The following CADM1 variants were observed in gnomAD, a reference collection of about 807,000 sequenced individuals.
CADM1 encodes the protein TSLC-1.
A neutral mutation model predicts 53.1 loss-of-function variants in CADM1; 15 were observed. The ratio of observed to expected loss-of-function variants is 0.28; its 90% confidence interval spans 0.19 to 0.44. The LOEUF (loss-of-function observed/expected upper bound fraction) is 0.44. Among genes scored for constraint, CADM1 ranks in the 20% least tolerant of loss-of-function variants. The pLI is 1.00. For missense variants in CADM1, 434 were observed against 611.3 expected (o/e 0.71, Z 3.06); for synonymous variants, 281 against 243.0 (o/e 1.16, Z -1.45).
At chr11:115,272,839 T>C (rs1943338281) in intron 1 of CADM1, among the ~76,000 whole-genome samples, 1 of 151,636 alleles carries the variant, frequency 6.6e-6, no homozygotes, top group African/African-American at 2.4e-5. Flanking sequence ...GCATGGCACA[T>C]GTATACGTAT....
At chr11:115,391,985 C>T (rs1369315000) in intron 1 of CADM1, among the ~76,000 whole-genome samples, 1 of 152,094 alleles carries the variant, frequency 6.6e-6, no homozygotes, top group Non-Finnish European at 1.5e-5. Flanking sequence ...ATATCAGGCC[C>T]ACACTAACAA....
At chr11:115,228,622 T>C (rs2134839660) in intron 5 of CADM1, among the ~76,000 whole-genome samples, 1 of 152,328 alleles carries the variant, frequency 6.6e-6, no homozygotes, top group African/African-American at 2.4e-5. Flanking sequence ...CTAGCTTTTA[T>C]TGATGAAGCC....
At chr11:115,361,578 A>T (rs1222298778) in intron 1 of CADM1, among the ~76,000 whole-genome samples, 1 of 152,174 alleles carries the variant, frequency 6.6e-6, no homozygotes, top group African/African-American at 2.4e-5. Flanking sequence ...GTGACTGAGA[A>T]GAAAGCAATT....
At chr11:115,259,628 A>G (rs1942911519) in intron 1 of CADM1, among the ~76,000 whole-genome samples, 1 of 151,884 alleles carries the variant, frequency 6.6e-6, no homozygotes, top group East Asian at 1.9e-4. Flanking sequence ...TTTTTAAAGG[A>G]AAGAGGTGCT....
intron 1 of CADM1, among the ~76,000 whole-genome samples, chr11:115,267,678 C>CTTTT (rs56712105): frequency 2.3e-4 from 30 of 131,208 alleles, no homozygotes; most frequent in Non-Finnish European, 3.9e-4. Flanking sequence ...AAATTGCTTT[C>CTTTT]TTTTTTTTTT....
intron 10 of CADM1, among the ~76,000 whole-genome samples, chr11:115,186,311 T>G (rs1163128499): frequency 6.6e-6 from 1 of 152,174 alleles, no homozygotes; most frequent in African/African-American, 2.4e-5. Flanking sequence ...TGAAGCAGAG[T>G]TTAGGTCTTC....
At chr11:115,413,027 A>G (rs1947496619) in intron 1 of CADM1, among the ~76,000 whole-genome samples, 1 of 152,198 alleles carries the variant, frequency 6.6e-6, no homozygotes, top group Admixed American at 6.5e-5. Context: ...ATTTAAAAGT[A>G]CCATTTCATT....
intron 1 of CADM1, among the ~76,000 whole-genome samples, chr11:115,298,360 AGG>A (rs1311846829): frequency 1.3e-5 from 2 of 152,208 alleles, no homozygotes; most frequent in African/African-American, 4.8e-5. Context: ...TCTGGCTCTA[AGG>A]ATAGAATGAG....
chr11:115,404,294 C>T (rs1477658480), intron 1 of CADM1, among the ~76,000 whole-genome samples: 1 of 129,302 alleles, frequency 7.7e-6, no homozygotes, highest in Non-Finnish European at 1.6e-5. Flanking sequence ...CCACTCCACT[C>T]CAGCCTGGGC....
chr11:115,346,230 C>A (rs956252699), intron 1 of CADM1, among the ~76,000 whole-genome samples: 21 of 152,192 alleles, frequency 1.4e-4, no homozygotes, highest in African/African-American at 5.1e-4. Flanking sequence ...TTGCCACCCA[C>A]TGCATGGCTT....
In CADM1 at chr11:115,260,001, C is replaced by T. The variant is rs150525238; in HGVS notation, c.125-19581G>A. On this transcript the variant is annotated intron_variant, in intron 1 of 11. Transcript: ENST00000331581. ...AGTGCAGAGGTGCTATCATAGCTCA[C>T]TGGAGCCTTGAACTCTCTGGGCTCA... is the stretch of plus-strand genomic sequence containing the variant. 2.2e-3 allele frequency among the ~76,000 whole-genome samples: 330 copies of T among 152,320 alleles called. 1 individual carries two copies. The highest frequency in any genetic ancestry group is 7.6e-3 in the African/African-American group (317 of 41,570).
intron 1 of CADM1, among the ~76,000 whole-genome samples, chr11:115,469,506 T>C (rs1010093855): frequency 6.6e-6 from 1 of 152,166 alleles, no homozygotes; most frequent in Non-Finnish European, 1.5e-5. Flanking sequence ...ATAAATAAGC[T>C]GTGGGAGGCA....
intron 1 of CADM1, among the ~76,000 whole-genome samples, chr11:115,366,176 C>T (rs571609004): frequency 3.9e-5 from 6 of 152,282 alleles, no homozygotes; most frequent in Admixed American, 1.3e-4. Flanking sequence ...ATATAATGCA[C>T]GCACATTTGG....
chr11:115,178,945 T>C, intron 10 of CADM1, 170 bp from the exon 11 acceptor site: 1 of 720,794 alleles, frequency 1.4e-6, no homozygotes, highest in South Asian at 1.5e-5. Context: ...ACCTGTCCAG[T>C]GCTGAATCGA....
chr11:115,439,438 G>A (rs1457242614), intron 1 of CADM1, among the ~76,000 whole-genome samples: 1 of 152,174 alleles, frequency 6.6e-6, no homozygotes, highest in African/African-American at 2.4e-5. Context: ...TTGCCTCCTA[G>A]TTCCTCTATC....
At chr11:115,180,183 A>G (rs972173216) in intron 10 of CADM1, among the ~76,000 whole-genome samples, 1 of 152,200 alleles carries the variant, frequency 6.6e-6, no homozygotes, top group African/African-American at 2.4e-5. Context: ...GATATTTCCA[A>G]TTCTGCTCCG....
At chr11:115,275,526 A>T (rs1943420804) in intron 1 of CADM1, among the ~76,000 whole-genome samples, 1 of 152,234 alleles carries the variant, frequency 6.6e-6, no homozygotes. Context: ...TTGAAGATAA[A>T]AGGTGTACAC....
At chr11:115,188,988 G>A (rs927964158) in intron 10 of CADM1, among the ~76,000 whole-genome samples, 1 of 151,642 alleles carries the variant, frequency 6.6e-6, no homozygotes, top group Admixed American at 6.6e-5. Flanking sequence ...CATCCCCTTC[G>A]AACAAAGGTG....
At chr11:115,502,301 G>A (rs991611152) in intron 1 of CADM1, among the ~76,000 whole-genome samples, 1 of 131,372 alleles carries the variant, frequency 7.6e-6, no homozygotes, top group Non-Finnish European at 1.6e-5. Flanking sequence ...CAATATCCCC[G>A]ACCACAGCTT....
Sources: allele counts gnomAD v4.1 joint callset (sites outside exome capture counted in the v4.1 genomes callset), GRCh38; gene constraint gnomAD v4.1.1; transcripts MANE v1.5; gene names NCBI Gene and HGNC (gene_info 2026-07-23, HGNC 2026-07-21).